UGT1A8: variants seen among roughly 807,000 people sequenced by gnomAD.
UGT1A8 encodes the protein UDP-glucuronosyltransferase 1A8.
In UGT1A8, 39 loss-of-function variants were observed where a neutral mutation model predicts 45.3. The ratio of observed to expected loss-of-function variants is 0.86; its 90% CI spans 0.67 to 1.12. UGT1A8 has a LOEUF of 1.12. UGT1A8 is among the 50% of genes most tolerant of loss of function. UGT1A8 has a pLI of 0.00. For missense variants in UGT1A8, 719 were observed against 664.9 expected, an observed-to-expected ratio of 1.08 and a Z score of -0.90; for synonymous variants, 275 against 249.2, an observed-to-expected ratio of 1.10 and a Z score of -0.97.
rs373895890 is a variant in UGT1A8 at position 233,713,391 on chromosome 2, A to G, written c.856-53643A>G. 9.0e-5 allele frequency: 146 copies of G among 1,614,152 alleles called. No homozygotes were observed. The highest frequency in any genetic ancestry group is 1.2e-4 in the Non-Finnish European group (139 of 1,180,034). ...TAGGTCTTGTGTGGAGCTACTGCAT[A>G]ATGAGGCCCTGATCAGGCACCTGCA... On this transcript the variant is annotated intron_variant, in intron 1 of 4. Coordinates refer to ENST00000373450, the MANE Select transcript of UGT1A8 (RefSeq NM_019076.5).
Position 233,677,865 on chromosome 2 carries a change from C to T in UGT1A8, c.855+59303C>T, listed in dbSNP as rs140979747. Among the ~76,000 whole-genome samples, 554 of 152,174 alleles carry T rather than the reference C, an allele frequency of 3.6e-3. 6 individuals are homozygous for T. The highest frequency in any genetic ancestry group is 0.013 in the African/African-American group (530 of 41,518). ...AAATCGTTTTACCAAGAAACACATG[C>T]ACTGGTATGTTCATTGCAGCTCTAT... On this transcript the variant is annotated intron_variant, in intron 1 of 4. Coordinates refer to ENST00000373450, the MANE Select transcript of UGT1A8 (RefSeq NM_019076.5).
chr2:233,624,066 G>A lies in UGT1A8; in HGVS notation c.855+5504G>A, dbSNP rs28969676. On this transcript the variant is annotated intron_variant, in intron 1 of 4. Coordinates refer to ENST00000373450, the MANE Select transcript of UGT1A8 (RefSeq NM_019076.5). The stretch of plus-strand genomic sequence containing the variant: ...GAGAATTCTTATCTACCCTGTACCC[G>A]GTTTCCCCCATTGTTAAATGTTATG... Among the ~76,000 whole-genome samples the A allele has an allele frequency of 7.8e-3, 1,182 of 152,182 alleles. 53 individuals are homozygous for A. Among genetic ancestry groups the A allele is most frequent in the Admixed American group, 0.05 (764 of 15,254 alleles).
In UGT1A8 at chr2:233,746,980, G is replaced by A. The variant is rs1162758884; in HGVS notation, c.856-20054G>A. On this transcript the variant is annotated intron_variant, in intron 1 of 4. Transcript: ENST00000373450. Reference sequence around the variant, plus strand: ...AACTTGGATGTTCCCCAGAGCGAGCGCAGGGTCAGATGAGTTTTTCAAGTA... The same window carrying A: ...AACTTGGATGTTCCCCAGAGCGAGCACAGGGTCAGATGAGTTTTTCAAGTA... Among the ~76,000 whole-genome samples, 6 of 151,766 alleles carry A rather than the reference G, an allele frequency of 4.0e-5. 1 individual carries two copies. Among genetic ancestry groups the A allele is most frequent in the African/African-American group, 1.2e-4 (5 of 41,068 alleles).
intron 1 of UGT1A8, among the ~76,000 whole-genome samples, chr2:233,749,048 G>A (rs971620112): frequency 1.8e-4 from 27 of 151,634 alleles, no homozygotes; most frequent in African/African-American, 6.3e-4. Context: ...GTGGTACTCT[G>A]GGACCTGAAT....
At chr2:233,700,805 T>C (rs567611805) in intron 1 of UGT1A8, among the ~76,000 whole-genome samples, 135 of 152,262 alleles carry the variant, frequency 8.9e-4, no homozygotes, top group African/African-American at 2.8e-3. Flanking sequence ...ATGTGCCATG[T>C]TGGTGTGCTG....
chr2:233,767,788 G>C (rs527533927), intron 2 of UGT1A8, 61 bp from the exon 3 acceptor site: 33 of 1,613,882 alleles, frequency 2.0e-5, no homozygotes, highest in East Asian at 4.5e-5. Flanking sequence ...TAGTATAGCA[G>C]ATTTGTTTTC....
chr2:233,638,147 A>C (rs772888659), intron 1 of UGT1A8, among the ~76,000 whole-genome samples: 5 of 152,174 alleles, frequency 3.3e-5, no homozygotes, highest in Non-Finnish European at 7.4e-5. Context: ...TCTTTTTGCT[A>C]TTAAGTCTTC....
At chr2:233,656,172 A>T (rs561310535) in intron 1 of UGT1A8, among the ~76,000 whole-genome samples, 1 of 152,326 alleles carries the variant, frequency 6.6e-6, no homozygotes, top group Non-Finnish European at 1.5e-5. Flanking sequence ...CGTATTGAAC[A>T]CACATGCATG....
At chr2:233,760,266 C>T (rs778145749) in intron 1 of UGT1A8, 17 of 1,611,888 alleles carry the variant, frequency 1.1e-5, no homozygotes, top group Non-Finnish European at 1.4e-5. Context: ...GAGGGCGAAC[C>T]TCTGGCAGGA....
At chr2:233,646,562 C>G (rs2073609005) in intron 1 of UGT1A8, among the ~76,000 whole-genome samples, 1 of 152,200 alleles carries the variant, frequency 6.6e-6, no homozygotes, top group African/African-American at 2.4e-5. Context: ...CCTAAATCAT[C>G]TTTCTAAGGT....
Position 233,660,311 on chromosome 2 carries a change from T to G in UGT1A8, c.855+41749T>G, listed in dbSNP as rs570294863. ...CATGTGTAATGAGCCTTAAAGTGCCTTGTAACCCCTTGTTCTAATGGCTGA... is the reference window on the plus strand; with the variant it reads ...CATGTGTAATGAGCCTTAAAGTGCCGTGTAACCCCTTGTTCTAATGGCTGA... On this transcript the variant is annotated intron_variant, in intron 1 of 4. Transcript: ENST00000373450. Among the ~76,000 whole-genome samples, 3 of 152,314 alleles carry G rather than the reference T, an allele frequency of 2.0e-5. No individual in the cohort carries two copies. The South Asian group carries it at 6.2e-4, about 32-fold the overall frequency.
At chr2:233,620,614 G>C (rs1464020810) in intron 1 of UGT1A8, among the ~76,000 whole-genome samples, 1 of 152,112 alleles carries the variant, frequency 6.6e-6, no homozygotes. Context: ...ATCTATTAAA[G>C]AATATATATG....
intron 1 of UGT1A8, among the ~76,000 whole-genome samples, chr2:233,698,816 G>GGAA (rs2075464493): frequency 6.6e-6 from 1 of 152,238 alleles, no homozygotes; most frequent in African/African-American, 2.4e-5. Context: ...CTCGCCTTGT[G>GGAA]GAAGAGTAAG....
chr2:233,763,738 G>A (rs1302450820), intron 1 of UGT1A8, among the ~76,000 whole-genome samples: 6 of 152,164 alleles, frequency 3.9e-5, no homozygotes, highest in Non-Finnish European at 8.8e-5. Flanking sequence ...TGGCATTGGC[G>A]TGTCTTTGGT....
In UGT1A8 at chr2:233,772,200, TAAAG is replaced by T. The variant is rs1700482093; in HGVS notation, c.1296-60_1296-57del. On this transcript the variant is annotated intron_variant, in intron 4 of 4. Coordinates refer to ENST00000373450, the MANE Select transcript of UGT1A8 (RefSeq NM_019076.5). ...TAGTCTTCTTAAGCAGCCATGAGCATAAAGAGAGGATTGTTCATACCACAGGTGT... is the reference window on the plus strand; with the variant it reads ...TAGTCTTCTTAAGCAGCCATGAGCATAGAGGATTGTTCATACCACAGGTGT... The T allele has an allele frequency of 6.8e-6, 11 of 1,606,074 alleles. No individual in the cohort carries two copies. In the South Asian group the frequency reaches 1.0e-4, roughly 15 times the overall value.
intron 1 of UGT1A8, chr2:233,691,625 G>C (rs2075050475): frequency 1.0e-6 from 1 of 985,518 alleles, no homozygotes. Flanking sequence ...CCTCAGCAGT[G>C]TGGTTAGCAG....
intron 1 of UGT1A8, among the ~76,000 whole-genome samples, chr2:233,681,705 C>T (rs2074535114): frequency 6.6e-6 from 1 of 152,008 alleles, no homozygotes; most frequent in Non-Finnish European, 1.5e-5. Flanking sequence ...GATCTGTCCC[C>T]AAGGCAAAGA....
In UGT1A8 at chr2:233,624,132, C is replaced by T. The variant is rs542674242; in HGVS notation, c.855+5570C>T. Among the ~76,000 whole-genome samples, 5 of 152,276 alleles carry T rather than the reference C, an allele frequency of 3.3e-5. No homozygotes were observed. In the East Asian group the frequency reaches 9.6e-4, roughly 29 times the overall value. On this transcript the variant is annotated intron_variant, in intron 1 of 4. Coordinates refer to ENST00000373450, the MANE Select transcript of UGT1A8 (RefSeq NM_019076.5). ...CATCACAACTCATTCACCAATATGA[C>T]ACATTATGATGAGCTAAAGTCTGTT... is the stretch of plus-strand genomic sequence containing the variant.
chr2:233,706,970 T>G (rs1184421684), intron 1 of UGT1A8, among the ~76,000 whole-genome samples: 1 of 152,146 alleles, frequency 6.6e-6, no homozygotes, highest in Non-Finnish European at 1.5e-5. Flanking sequence ...AGAAACTTGA[T>G]TCTTCACAGA....
Sources: allele counts gnomAD v4.1 joint callset (sites outside exome capture counted in the v4.1 genomes callset), GRCh38; gene constraint gnomAD v4.1.1; transcripts MANE v1.5; gene names NCBI Gene and HGNC (gene_info 2026-07-23, HGNC 2026-07-21).